The following DPY19L2 variants were observed in gnomAD, a reference collection of about 807,000 sequenced individuals.
DPY19L2 encodes the protein dpy-19 like 2.
A neutral mutation model predicts 97.9 loss-of-function variants in DPY19L2; 34 were observed. The ratio of observed to expected loss-of-function variants is 0.35; its 90% CI spans 0.26 to 0.46. The LOEUF is 0.46. Among genes scored for constraint, DPY19L2 ranks in the 20% least tolerant of loss-of-function variants. DPY19L2 has a pLI of 1.00. For synonymous variants in DPY19L2, 230 were observed against 307.9 expected, an observed-to-expected ratio of 0.75 and a Z score of 2.65; for missense variants, 623 against 911.4, an observed-to-expected ratio of 0.68 and a Z score of 4.07.
chr12:63,615,213 AG>A (rs1466889820), intron 11 of DPY19L2, among the ~76,000 whole-genome samples: 3 of 152,300 alleles, frequency 2.0e-5, no homozygotes, highest in African/African-American at 7.2e-5. Context: ...CACAGCCCAA[AG>A]AGCCTACATT....
chr12:63,576,955 A>C (rs957168465), intron 19 of DPY19L2, among the ~76,000 whole-genome samples: 4 of 152,044 alleles, frequency 2.6e-5, no homozygotes, highest in African/African-American at 9.7e-5. Context: ...ATTCGAAAAC[A>C]CAAAAGACCT....
intron 15 of DPY19L2, among the ~76,000 whole-genome samples, chr12:63,595,668 A>C (rs1322071707): frequency 1.3e-5 from 2 of 152,118 alleles, no homozygotes; most frequent in Non-Finnish European, 2.9e-5. Flanking sequence ...CCAATAATCC[A>C]GGATTGTAAG....
Position 63,580,562 on chromosome 12 carries a change from CAT to C in DPY19L2, c.1900+98_1900+99del. 4 of 1,258,490 alleles carry C rather than the reference CAT, an allele frequency of 3.2e-6. No homozygotes were observed. The South Asian group carries it at 6.7e-5, about 21-fold the overall frequency. The allele number at this position is 1,258,490 out of a possible 1,614,324, so 78.0% of individuals were successfully genotyped here. ...CCTATTTGTAAATCTGTCATACACACATACACACATATATCAGAAATGACAAT... is the reference window on the plus strand; with the variant it reads ...CCTATTTGTAAATCTGTCATACACACACACACATATATCAGAAATGACAAT... On this transcript the variant is annotated intron_variant, in intron 19 of 21. Transcript: ENST00000324472.
At chr12:63,623,866 G>C in intron 8 of DPY19L2, 174 bp downstream of exon 8, 2 of 462,566 alleles carry the variant, frequency 4.3e-6, no homozygotes, top group Non-Finnish European at 8.2e-6. Flanking sequence ...CACCATGCCC[G>C]GCTAATTTTT....
chr12:63,595,045 G>A (rs1036178268), intron 15 of DPY19L2, among the ~76,000 whole-genome samples: 1 of 152,172 alleles, frequency 6.6e-6, no homozygotes, highest in African/African-American at 2.4e-5. Flanking sequence ...ACTGGATCAA[G>A]GGTGAAACAA....
chr12:63,635,121 A>G (rs1312490929), intron 6 of DPY19L2, among the ~76,000 whole-genome samples: 1 of 152,308 alleles, frequency 6.6e-6, no homozygotes. Context: ...TTTGCTGTTC[A>G]CCAATATCCA....
intron 6 of DPY19L2, among the ~76,000 whole-genome samples, chr12:63,630,786 A>C (rs1238959467): frequency 1.3e-5 from 2 of 152,296 alleles, no homozygotes; most frequent in East Asian, 3.9e-4. Flanking sequence ...ACCACACCGC[A>C]CTTATTCCAA....
At chr12:63,594,463 T>TTGTGTGTGTGTGTGTG (rs770320993) in intron 15 of DPY19L2, among the ~76,000 whole-genome samples, 4 of 71,228 alleles carry the variant, frequency 5.6e-5, no homozygotes, top group South Asian at 8.9e-4. Context: ...GAGAGAGAGA[T>TTGTGTGTGTGTGTGTG]AGTGTGTGTG....
intron 11 of DPY19L2, among the ~76,000 whole-genome samples, chr12:63,614,768 C>T (rs1458306670): frequency 6.6e-6 from 1 of 152,082 alleles, no homozygotes; most frequent in East Asian, 1.9e-4. Flanking sequence ...TAAATGCATG[C>T]ACACACACAT....
Position 63,585,078 on chromosome 12 carries a change from G to C in DPY19L2, c.1581-1242C>G, listed in dbSNP as rs536773921. ...TCTCTGCAGTTTCAAGCATCCACTG[G>C]GGGTCTTGGGATGCGTCGCCCTGCA... On this transcript the variant is annotated intron_variant, in intron 16 of 21. Transcript: ENST00000324472. Among the ~76,000 whole-genome samples the C allele has an allele frequency of 2.3e-4, 35 of 152,130 alleles. 1 individual carries two copies. In the South Asian group the frequency reaches 7.1e-3, roughly 31 times the overall value.
At position 63,597,859 on chromosome 12, in the gene DPY19L2, C is replaced by A; in HGVS notation, c.1411G>T (p.Asp471Tyr). The stretch of plus-strand genomic sequence containing the variant: ...GGAGCACAGGTATATATTAAAGTAT[C>A]AAAATCTGTATACCTTAAGATTCTG... ...AARILRYTDF[D>Y]TLIYTCAPEF... Residue 471 changes from aspartate to tyrosine, a missense_variant, in exon 14 of 22, where the codon GAT becomes TAT. By Grantham distance (160) the Asp-to-Tyr change is radical. Coordinates refer to ENST00000324472, the MANE Select transcript of DPY19L2 (RefSeq NM_173812.5). 1 of 1,607,354 alleles carries A rather than the reference C, an allele frequency of 6.2e-7. No homozygotes were observed. Among genetic ancestry groups the A allele is most frequent in the Non-Finnish European group, 8.5e-7 (1 of 1,177,908 alleles).
intron 15 of DPY19L2, among the ~76,000 whole-genome samples, chr12:63,594,976 A>G (rs1481714140): frequency 3.3e-5 from 5 of 152,124 alleles, no homozygotes; most frequent in African/African-American, 1.2e-4. Context: ...ACCTGCTCAC[A>G]TTTTACTCAT....
At chr12:63,658,960 T>C (rs1409633299) in intron 4 of DPY19L2, among the ~76,000 whole-genome samples, 1 of 152,210 alleles carries the variant, frequency 6.6e-6, no homozygotes, top group Non-Finnish European at 1.5e-5. Flanking sequence ...GGATGAGGGA[T>C]ATGCTCATTG....
intron 6 of DPY19L2, among the ~76,000 whole-genome samples, chr12:63,633,199 G>C (rs1244876795): frequency 1.3e-5 from 2 of 152,100 alleles, no homozygotes; most frequent in Non-Finnish European, 2.9e-5. Context: ...GGCAAGAAAA[G>C]CCGAAATTGA....
At chr12:63,647,917 A>G (rs1893649892) in intron 4 of DPY19L2, among the ~76,000 whole-genome samples, 1 of 152,168 alleles carries the variant, frequency 6.6e-6, no homozygotes, top group South Asian at 2.1e-4. Flanking sequence ...AGAGGCTGGC[A>G]ATCCAGAAAT....
intron 6 of DPY19L2, among the ~76,000 whole-genome samples, chr12:63,635,633 G>A (rs1308983870): frequency 6.6e-6 from 1 of 152,152 alleles, no homozygotes; most frequent in African/African-American, 2.4e-5. Context: ...AGAACTATGT[G>A]ACGCATGCAC....
In DPY19L2 at chr12:63,668,442, G is replaced by C; in HGVS notation, c.-49C>G. 1 of 1,505,386 alleles carries C rather than the reference G, an allele frequency of 6.6e-7. No individual in the cohort carries two copies. Among genetic ancestry groups the C allele is most frequent in the Non-Finnish European group, 8.9e-7 (1 of 1,127,510 alleles). 93.3% of individuals were successfully genotyped at this position (1,505,386 alleles called of 1,614,324 possible). A position where few individuals can be genotyped will look rare whatever the true frequency, so the allele number is the denominator to read the frequency against. On this transcript the variant is annotated 5_prime_UTR_variant, in exon 1 of 22. Coordinates refer to ENST00000324472, the MANE Select transcript of DPY19L2 (RefSeq NM_173812.5). ...GGTCAATTTCAGGCACAGCCCAGCCGAGTCAGGCGAGGTCCAGAGAGACCT... is the reference window on the plus strand; with the variant it reads ...GGTCAATTTCAGGCACAGCCCAGCCCAGTCAGGCGAGGTCCAGAGAGACCT...
At chr12:63,635,358 C>A (rs932799559) in intron 6 of DPY19L2, among the ~76,000 whole-genome samples, 3 of 152,102 alleles carry the variant, frequency 2.0e-5, no homozygotes, top group African/African-American at 7.2e-5. Flanking sequence ...GCTGAAAATT[C>A]TAAAAACCGG....
At position 63,663,768 on chromosome 12, in the gene DPY19L2, C is replaced by G. The variant is rs551277775; in HGVS notation, c.440G>C (p.Arg147Pro). The change falls in exon 3 of 22, where the codon CGC becomes CCC. Residue 147 changes from arginine (R) to proline (P), a missense_variant. Coordinates refer to ENST00000324472, the MANE Select transcript of DPY19L2 (RefSeq NM_173812.5). Reference protein sequence around the residue: ...LSSLEREMTFRTEMGLYYSYF... With the variant: ...LSSLEREMTFPTEMGLYYSYF... ...AAGAAGAAACCTAACCATTTCAGTG[C>G]GAAAAGTCATCTCCCGTTCCAAAGA... 1 of 1,601,826 alleles carries G rather than the reference C, an allele frequency of 6.2e-7. No individual in the cohort carries two copies. The highest frequency in any genetic ancestry group is 8.5e-7 in the Non-Finnish European group (1 of 1,176,848).
Sources: allele counts gnomAD v4.1 joint callset (sites outside exome capture counted in the v4.1 genomes callset), GRCh38; gene constraint gnomAD v4.1.1; transcripts MANE v1.5; gene names NCBI Gene and HGNC (gene_info 2026-07-23, HGNC 2026-07-21).